SLF1: variants seen among roughly 807,000 people sequenced by gnomAD.
The protein encoded by SLF1 is SMC5/6 complex localization factor 1.
A neutral mutation model predicts 123.0 loss-of-function variants in SLF1; 105 were observed. The observed-to-expected ratio is 0.85, with a 90% confidence interval of 0.73 to 1.00. The LOEUF is 1.00. Among genes scored for constraint, SLF1 ranks in the 50% least tolerant of loss-of-function variants. The pLI is 0.00. For missense variants in SLF1, 1,239 were observed against 1,223.0 expected (o/e 1.01, Z -0.20); for synonymous variants, 434 against 406.6 (o/e 1.07, Z -0.81).
In SLF1 at chr5:94,688,187, A is replaced by C. The variant is rs185271552; in HGVS notation, c.2122-319A>C. On this transcript the variant is annotated intron_variant, in intron 16 of 20. Transcript: ENST00000265140. Reference sequence around the variant, plus strand: ...ACAAAATACCAGTTGTATGTAAATCATACATATAAAATGTGCAAATGAATC... The same window carrying C: ...ACAAAATACCAGTTGTATGTAAATCCTACATATAAAATGTGCAAATGAATC... Among the ~76,000 whole-genome samples, 14 of 152,264 alleles carry C rather than the reference A, an allele frequency of 9.2e-5. No individual in the cohort carries two copies. The East Asian group carries it at 2.5e-3, about 27-fold the overall frequency.
rs547604040 is a variant in SLF1, at chr5:94,660,688, G to A, written c.1156-1610G>A. 1.4e-4 allele frequency among the ~76,000 whole-genome samples: 21 copies of A among 152,258 alleles called. No individual in the cohort carries two copies. The East Asian group carries it at 2.9e-3, about 21-fold the overall frequency. On this transcript the variant is annotated intron_variant, in intron 9 of 20. Coordinates refer to ENST00000265140, the MANE Select transcript of SLF1 (RefSeq NM_032290.4). ...AGAGTGGATCTATCTGTAAGCCCTGGGACAACCCCCCAGTGGGCCACTCCT... is the reference window on the plus strand; with the variant it reads ...AGAGTGGATCTATCTGTAAGCCCTGAGACAACCCCCCAGTGGGCCACTCCT...
Position 94,666,019 on chromosome 5 carries a change from T to C in SLF1, c.1527T>C (p.Leu509=). 1 of 1,547,006 alleles carries C rather than the reference T, an allele frequency of 6.5e-7. No homozygotes were observed. Among genetic ancestry groups the C allele is most frequent in the Non-Finnish European group, 8.7e-7 (1 of 1,145,600 alleles). ...GAGCATGGTCTTTAGTAGAAGTCCTTATCAGGTAAGGAATTTCACATTTGA... is the reference window on the plus strand; with the variant it reads ...GAGCATGGTCTTTAGTAGAAGTCCTCATCAGGTAAGGAATTTCACATTTGA... ...MKGAWSLVEV[L]IRSCLFNESF... The change falls in exon 12 of 21, where the codon CTT becomes CTC. Residue 509 remains leucine (L), a synonymous_variant. Coordinates refer to ENST00000265140, the MANE Select transcript of SLF1 (RefSeq NM_032290.4).
At chr5:94,656,826 CT>C (rs1437227604) in intron 9 of SLF1, among the ~76,000 whole-genome samples, 1 of 146,994 alleles carries the variant, frequency 6.8e-6, no homozygotes, top group Non-Finnish European at 1.5e-5. Context: ...ATAATGTGTC[CT>C]TTTTCACTTC....
At chr5:94,629,068 C>G in intron 2 of SLF1, 24 bp from the exon 3 acceptor site, 1 of 1,521,816 alleles carries the variant, frequency 6.6e-7, no homozygotes, top group Non-Finnish European at 8.8e-7. Context: ...AGTAACATTT[C>G]TTGATGTGGA....
chr5:94,692,276 A>G lies in SLF1; in HGVS notation c.2695+20A>G. On this transcript the variant is annotated intron_variant, in intron 20 of 20. Coordinates refer to ENST00000265140, the MANE Select transcript of SLF1 (RefSeq NM_032290.4). ...ATGGGGGTGAGTGTGTTTATGCTAA[A>G]TGGGTTTTGATAAATTATCCAGTTT... The G allele has an allele frequency of 4.4e-6, 7 of 1,597,698 alleles. No individual in the cohort carries two copies. The highest frequency in any genetic ancestry group is 5.1e-6 in the Non-Finnish European group (6 of 1,169,682).
intron 18 of SLF1, 114 bp from the exon 19 acceptor site, chr5:94,691,450 C>G: frequency 5.7e-6 from 3 of 523,768 alleles, no homozygotes; most frequent in Non-Finnish European, 8.8e-6. Context: ...AAAAGAAGAA[C>G]TCAATAAATA....
intron 14 of SLF1, 68 bp from the exon 15 acceptor site, chr5:94,678,740 A>G (rs2152493518): frequency 7.1e-7 from 1 of 1,416,374 alleles, no homozygotes; most frequent in East Asian, 2.5e-5. Context: ...AAAAGTATTC[A>G]AAATAAATAC....
At position 94,618,673 on chromosome 5, in the gene SLF1, G is replaced by C. The variant is rs1156263053; in HGVS notation, c.-93G>C. On this transcript the variant is annotated 5_prime_UTR_variant, in exon 1 of 21. Coordinates refer to ENST00000265140, the MANE Select transcript of SLF1 (RefSeq NM_032290.4). ...GCGCGCGGCGGGAAATTGTTTCCCAGAGCCCGGATTCGTGAAGCAGTTGAG... is the reference window on the plus strand; with the variant it reads ...GCGCGCGGCGGGAAATTGTTTCCCACAGCCCGGATTCGTGAAGCAGTTGAG... 1 of 154,790 alleles carries C rather than the reference G, an allele frequency of 6.5e-6. No individual in the cohort carries two copies. Among genetic ancestry groups the C allele is most frequent in the Non-Finnish European group, 1.5e-5 (1 of 68,226 alleles). The allele number at this position is 154,790 out of a possible 1,614,324, so 9.6% of individuals were successfully genotyped here.
intron 1 of SLF1, among the ~76,000 whole-genome samples, chr5:94,626,126 G>A (rs902566478): frequency 3.3e-5 from 5 of 151,620 alleles, no homozygotes; most frequent in African/African-American, 1.2e-4. Flanking sequence ...GGTGGCGGGC[G>A]CCTGTAGTCC....
At chr5:94,666,176 T>C (rs1455685817) in intron 12 of SLF1, among the ~76,000 whole-genome samples, 152 bp downstream of exon 12, 1 of 152,218 alleles carries the variant, frequency 6.6e-6, no homozygotes, top group East Asian at 1.9e-4. Flanking sequence ...GCAAAACTTA[T>C]GAAAAGGCAA....
intron 4 of SLF1, among the ~76,000 whole-genome samples, chr5:94,642,408 C>G (rs902148445): frequency 6.6e-6 from 1 of 152,202 alleles, no homozygotes; most frequent in African/African-American, 2.4e-5. Context: ...ATACTTGCCC[C>G]TTAAATTTTG....
At chr5:94,639,134 A>G (rs1749027516) in intron 4 of SLF1, among the ~76,000 whole-genome samples, 2 of 139,768 alleles carry the variant, frequency 1.4e-5, no homozygotes, top group African/African-American at 5.4e-5. Flanking sequence ...TCTGCCTCCC[A>G]AGTTCAAATG....
chr5:94,691,794 A>G lies in SLF1; in HGVS notation c.2512+138A>G, dbSNP rs1199892217. 2.3e-5 allele frequency: 17 copies of G among 734,630 alleles called. No individual in the cohort carries two copies. The South Asian group carries it at 2.8e-4, about 12-fold the overall frequency. 45.5% of individuals were successfully genotyped at this position (734,630 alleles called of 1,614,324 possible). On this transcript the variant is annotated intron_variant, in intron 19 of 20. Coordinates refer to ENST00000265140, the MANE Select transcript of SLF1 (RefSeq NM_032290.4). ...AAGTATAAGAAAAATTTCTTAGCAAAGCCAAGAAATTTCTCATATATTGAT... is the reference window on the plus strand; with the variant it reads ...AAGTATAAGAAAAATTTCTTAGCAAGGCCAAGAAATTTCTCATATATTGAT...
chr5:94,692,347 T>A (rs1585247828), intron 20 of SLF1, 91 bp downstream of exon 20: 6 of 1,294,646 alleles, frequency 4.6e-6, no homozygotes, highest in Non-Finnish European at 6.3e-6. Flanking sequence ...GTTTAAAATC[T>A]GTAAGGAAAG....
intron 12 of SLF1, among the ~76,000 whole-genome samples, chr5:94,668,541 G>A (rs779509230): frequency 1.3e-5 from 2 of 151,952 alleles, no homozygotes; most frequent in Non-Finnish European, 2.9e-5. Context: ...TTACCATGTT[G>A]GTCAGGCTGG....
At chr5:94,639,054 T>C (rs1746152380) in intron 4 of SLF1, among the ~76,000 whole-genome samples, 1 of 144,306 alleles carries the variant, frequency 6.9e-6, no homozygotes, top group Non-Finnish European at 1.5e-5. Flanking sequence ...TTTTTTTTTT[T>C]TTTTGAGATG....
intron 14 of SLF1, among the ~76,000 whole-genome samples, chr5:94,674,160 T>C (rs978485337): frequency 6.6e-6 from 1 of 152,152 alleles, no homozygotes; most frequent in African/African-American, 2.4e-5. Context: ...TATAGAACGT[T>C]TCTTTTTTTC....
At chr5:94,632,808 C>T (rs1270494019) in intron 4 of SLF1, among the ~76,000 whole-genome samples, 2 of 151,996 alleles carry the variant, frequency 1.3e-5, no homozygotes, top group Non-Finnish European at 2.9e-5. Context: ...TCACGCCATT[C>T]TTCTGCCTCA....
At chr5:94,692,278 G>A in intron 20 of SLF1, 22 bp downstream of exon 20, 1 of 1,595,784 alleles carries the variant, frequency 6.3e-7, no homozygotes, top group Non-Finnish European at 8.6e-7. Flanking sequence ...TATGCTAAAT[G>A]GGTTTTGATA....
Sources: allele counts gnomAD v4.1 joint callset (sites outside exome capture counted in the v4.1 genomes callset), GRCh38; gene constraint gnomAD v4.1.1; transcripts MANE v1.5; gene names NCBI Gene and HGNC (gene_info 2026-07-23, HGNC 2026-07-21).